Variants in AKAP13 observed in about 807,000 individuals in gnomAD.
AKAP13 encodes the protein A-kinase anchor protein 13.
A neutral mutation model predicts 264.5 loss-of-function variants in AKAP13; 80 were observed. The ratio of observed to expected loss-of-function variants is 0.30; its 90% CI spans 0.25 to 0.36. The LOEUF (loss-of-function observed/expected upper bound fraction) is 0.36, where lower values mean the gene tolerates loss of function less well. AKAP13 is among the 10% of genes least tolerant of loss of function. The pLI, the probability that AKAP13 is intolerant of heterozygous loss-of-function variation, is 1.00. For missense variants in AKAP13, 3,712 were observed against 3,435.2 expected (o/e 1.08, Z -2.01); for synonymous variants, 1,380 against 1,250.2 (o/e 1.10, Z -2.19).
At chr15:85,478,984 G>A (rs2075270764) in intron 1 of AKAP13, among the ~76,000 whole-genome samples, 1 of 152,114 alleles carries the variant, frequency 6.6e-6, no homozygotes, top group African/African-American at 2.4e-5. Context: ...GTGTACTAAG[G>A]TTCAAGAATC....
chr15:85,733,235 A>C (rs2088182655), intron 30 of AKAP13, among the ~76,000 whole-genome samples: 1 of 152,180 alleles, frequency 6.6e-6, no homozygotes, highest in Non-Finnish European at 1.5e-5. Context: ...CTGAATATAA[A>C]ATTATTGGCT....
At chr15:85,523,917 A>G (rs765541665) in intron 3 of AKAP13, among the ~76,000 whole-genome samples, 10 of 151,142 alleles carry the variant, frequency 6.6e-5, no homozygotes, top group African/African-American at 2.2e-4. Context: ...AGTTAGCTGC[A>G]TTGATAGCCT....
intron 1 of AKAP13, among the ~76,000 whole-genome samples, chr15:85,413,720 T>G (rs923618233): frequency 6.6e-6 from 1 of 152,168 alleles, no homozygotes; most frequent in Non-Finnish European, 1.5e-5. Context: ...TCTCAGGCCC[T>G]TGTTAGGATT....
intron 5 of AKAP13, among the ~76,000 whole-genome samples, chr15:85,548,792 G>C (rs1344880255): frequency 1.3e-5 from 2 of 152,082 alleles, no homozygotes; most frequent in Non-Finnish European, 2.9e-5. Context: ...AGTTAGTAGA[G>C]AGATTGGAGA....
chr15:85,741,191 C>T lies in AKAP13; in HGVS notation c.7754C>T (p.Ala2585Val), dbSNP rs1055229830. The T allele has an allele frequency of 1.2e-6, 2 of 1,610,878 alleles. No homozygotes were observed. The highest frequency in any genetic ancestry group is 1.7e-6 in the Non-Finnish European group (2 of 1,178,626). ...CTGGAGAAGCAGCGCCAGGACCTGG[C>T]CAACCTGCAGAAGCAGCAGGCCCAG... is the stretch of plus-strand genomic sequence containing the variant. Reference protein sequence around the residue: ...RSLEKQRQDLANLQKQQAQYL... With the variant: ...RSLEKQRQDLVNLQKQQAQYL... The change falls in exon 35 of 37, where the codon GCC becomes GTC. Residue 2585 changes from alanine (A) to valine (V), a missense_variant. Physicochemically the swap from Ala to Val is moderately conservative, Grantham distance 64 (BLOSUM62 0). Around this residue, in one of 3 missense-constraint regions of AKAP13, gnomAD observed 611 missense variants for 539.3 expected, o/e 1.13. Coordinates refer to ENST00000394518, the MANE Select transcript of AKAP13 (RefSeq NM_007200.5).
intron 1 of AKAP13, among the ~76,000 whole-genome samples, chr15:85,482,254 GGGA>G (rs1437327214): frequency 3.9e-5 from 6 of 152,090 alleles, no homozygotes; most frequent in Non-Finnish European, 8.8e-5. Context: ...TATCTTCTCA[GGGA>G]GGCCTTCCCT....
intron 35 of AKAP13, among the ~76,000 whole-genome samples, chr15:85,742,424 G>C (rs1235174209): frequency 6.6e-6 from 1 of 152,220 alleles, no homozygotes; most frequent in Non-Finnish European, 1.5e-5. Flanking sequence ...GGCCAGAGTT[G>C]CTGGAAGAAC....
At chr15:85,632,004 G>T (rs1216934263) in intron 8 of AKAP13, among the ~76,000 whole-genome samples, 1 of 152,080 alleles carries the variant, frequency 6.6e-6, no homozygotes, top group East Asian at 1.9e-4. Context: ...CACCACAGAA[G>T]TGTAACATGT....
chr15:85,494,302 C>G (rs2075813553), intron 2 of AKAP13, among the ~76,000 whole-genome samples: 1 of 152,110 alleles, frequency 6.6e-6, no homozygotes, highest in African/African-American at 2.4e-5. Context: ...GAAAAGGAAA[C>G]AAGAGTTTTA....
intron 2 of AKAP13, among the ~76,000 whole-genome samples, chr15:85,511,273 T>G (rs1484325742): frequency 1.3e-5 from 2 of 152,180 alleles, no homozygotes; most frequent in Non-Finnish European, 2.9e-5. Context: ...TCTTACTGCC[T>G]TCCCTTGCTG....
At chr15:85,716,639 A>G (rs2151714194) in intron 20 of AKAP13, among the ~76,000 whole-genome samples, 1 of 152,332 alleles carries the variant, frequency 6.6e-6, no homozygotes, top group South Asian at 2.1e-4. Flanking sequence ...TTTTGTTTGT[A>G]ATTCCTAACC....
chr15:85,696,303 C>T (rs2085563538), intron 17 of AKAP13, among the ~76,000 whole-genome samples: 1 of 152,164 alleles, frequency 6.6e-6, no homozygotes, highest in African/African-American at 2.4e-5. Context: ...TCACAACATG[C>T]TGAAAGTAAA....
chr15:85,464,520 A>G (rs1210803627), intron 1 of AKAP13, among the ~76,000 whole-genome samples: 1 of 152,178 alleles, frequency 6.6e-6, no homozygotes, highest in East Asian at 1.9e-4. Context: ...TATCATAGCC[A>G]GTTATCCTAG....
chr15:85,591,009 T>C (rs900421380), intron 8 of AKAP13, among the ~76,000 whole-genome samples: 4 of 152,208 alleles, frequency 2.6e-5, no homozygotes, highest in African/African-American at 9.7e-5. Context: ...TTATAAAAGC[T>C]TCAGGAATAG....
intron 1 of AKAP13, among the ~76,000 whole-genome samples, chr15:85,418,576 G>A (rs1174348987): frequency 6.6e-6 from 1 of 152,088 alleles, no homozygotes; most frequent in African/African-American, 2.4e-5. Context: ...CCAAGACTTC[G>A]GTTTTGCATG....
At chr15:85,661,968 T>A (rs1296471931) in intron 12 of AKAP13, among the ~76,000 whole-genome samples, 3 of 151,780 alleles carry the variant, frequency 2.0e-5, no homozygotes, top group Non-Finnish European at 2.9e-5. Context: ...ACTGTCTCTT[T>A]TAAAAAGTCT....
chr15:85,582,012 C>G lies in AKAP13; in HGVS notation c.3944C>G (p.Pro1315Arg). The G allele has an allele frequency of 6.2e-7, 1 of 1,614,130 alleles. No individual in the cohort carries two copies. The highest frequency in any genetic ancestry group is 8.5e-7 in the Non-Finnish European group (1 of 1,180,012). The change falls in exon 7 of 37, where the codon CCT becomes CGT. Residue 1315 changes from proline (P) to arginine (R), a missense_variant. Transcript: ENST00000394518. ...PGESLPMGST[P>R]EEATGSLAGC... ...GAGAGCCTACCAATGGGCAGTACTC[C>G]TGAGGAAGCCACGGGGAGCCTTGCA...
At chr15:85,569,093 A>G (rs954934289) in intron 5 of AKAP13, among the ~76,000 whole-genome samples, 2 of 152,238 alleles carry the variant, frequency 1.3e-5, no homozygotes, top group Non-Finnish European at 2.9e-5. Context: ...GGTTTCATAA[A>G]TGGAAATAGG....
In AKAP13 at chr15:85,732,113, C is replaced by G. The variant is rs1019975766; in HGVS notation, c.7282+1406C>G. ...AAAAAAAAAAACGTTTGATGGATTT[C>G]AAGTCATTGCAATTCCTAACCTTAT... On this transcript the variant is annotated intron_variant, in intron 30 of 36. Transcript: ENST00000394518. 6.1e-5 allele frequency among the ~76,000 whole-genome samples: 9 copies of G among 148,544 alleles called. No homozygotes were observed. In the East Asian group the frequency reaches 1.4e-3, roughly 23 times the overall value.
Sources: allele counts gnomAD v4.1 joint callset (sites outside exome capture counted in the v4.1 genomes callset), GRCh38; gene constraint gnomAD v4.1.1; regional missense constraint gnomAD v4.1.1; transcripts MANE v1.5; gene names NCBI Gene and HGNC (gene_info 2026-07-23, HGNC 2026-07-21).